AHR: variants seen among roughly 807,000 people sequenced by gnomAD.
AHR encodes the protein aryl hydrocarbon receptor, also known as AH-receptor.
AHR carries 40 observed loss-of-function variants against 86.8 expected under a neutral mutation model. The ratio of observed to expected loss-of-function variants is 0.46; its 90% CI spans 0.36 to 0.60. The LOEUF (loss-of-function observed/expected upper bound fraction) is 0.60. Ranked by LOEUF, AHR falls within the 20% of genes least tolerant of loss-of-function variation. AHR has a pLI of 0.00. For missense variants in AHR, 1,001 were observed against 1,011.6 expected (o/e 0.99, Z 0.14); for synonymous variants, 398 against 354.9 (o/e 1.12, Z -1.37).
chr7:17,308,474 TATTA>T (rs1782027785), intron 1 of AHR, among the ~76,000 whole-genome samples: 1 of 152,202 alleles, frequency 6.6e-6, no homozygotes, highest in South Asian at 2.1e-4. Context: ...GTCAGCAAGT[TATTA>T]ATTAACCAGT....
intron 9 of AHR, among the ~76,000 whole-genome samples, chr7:17,338,266 A>G (rs1782377135): frequency 1.7e-5 from 1 of 60,278 alleles, no homozygotes. Flanking sequence ...TCATATTATT[A>G]TGCCAATCTG....
chr7:17,325,643 G>A (rs1205468284), intron 3 of AHR, among the ~76,000 whole-genome samples: 3 of 152,134 alleles, frequency 2.0e-5, no homozygotes, highest in Admixed American at 1.3e-4. Flanking sequence ...GTGGTTAAAG[G>A]GACATGGATG....
chr7:17,337,344 A>G (rs1419907916), intron 9 of AHR, among the ~76,000 whole-genome samples: 6 of 152,040 alleles, frequency 3.9e-5, no homozygotes, highest in South Asian at 2.1e-4. Context: ...TTATTTTTAT[A>G]TATCAGAAGT....
chr7:17,342,268 C>T (rs913970566), intron 10 of AHR, among the ~76,000 whole-genome samples: 1 of 152,044 alleles, frequency 6.6e-6, no homozygotes, highest in African/African-American at 2.4e-5. Flanking sequence ...CTTTTTTCTA[C>T]TAGCAGTTAT....
chr7:17,342,560 A>T (rs1782437279), intron 10 of AHR, among the ~76,000 whole-genome samples: 1 of 152,128 alleles, frequency 6.6e-6, no homozygotes, highest in Non-Finnish European at 1.5e-5. Context: ...AACCTGGTCA[A>T]AGCAAACCTA....
chr7:17,302,673 T>G (rs564446345), intron 1 of AHR, among the ~76,000 whole-genome samples: 8 of 151,918 alleles, frequency 5.3e-5, no homozygotes, highest in African/African-American at 1.9e-4. Context: ...AGGTATAAAT[T>G]GAAAGCACTG....
Position 17,299,237 on chromosome 7 carries a change from G to A in AHR, c.-28G>A, listed in dbSNP as rs749139930. On this transcript the variant is annotated 5_prime_UTR_variant, in exon 1 of 11. Transcript: ENST00000242057. ...GGGGACCCGGCCGCCAGTGCCCGGG[G>A]AGTAGCCGCCGCCGTCGGCTGGGCA... The A allele has an allele frequency of 4.4e-6, 7 of 1,607,634 alleles. No homozygotes were observed. Among genetic ancestry groups the A allele is most frequent in the Non-Finnish European group, 5.9e-6 (7 of 1,178,368 alleles).
At chr7:17,329,877 ATAGGCT>A (rs1782267493) in intron 4 of AHR, 69 bp from the exon 5 acceptor site, 36 of 1,380,154 alleles carry the variant, frequency 2.6e-5, no homozygotes, top group Non-Finnish European at 3.5e-5. Flanking sequence ...ACTAATCTAA[ATAGGCT>A]TTAAAATTAA....
At chr7:17,338,255 T>A (rs950316505) in intron 9 of AHR, among the ~76,000 whole-genome samples, 2 of 102,044 alleles carry the variant, frequency 2.0e-5, no homozygotes, top group Admixed American at 1.9e-4. Flanking sequence ...TTAAGTAATT[T>A]TCATATTATT....
At chr7:17,335,120 A>G in intron 8 of AHR, 124 bp downstream of exon 8, 2 of 590,112 alleles carry the variant, frequency 3.4e-6, no homozygotes, top group Non-Finnish European at 2.9e-6. Flanking sequence ...ACTTAGTAAC[A>G]TATCATTATG....
intron 1 of AHR, among the ~76,000 whole-genome samples, chr7:17,305,958 T>C (rs1029729670): frequency 1.3e-5 from 2 of 152,126 alleles, no homozygotes; most frequent in Admixed American, 6.6e-5. Context: ...AACAGAAGCA[T>C]GGCATGCAGT....
chr7:17,318,237 A>G (rs1014734687), intron 2 of AHR, among the ~76,000 whole-genome samples: 2 of 152,054 alleles, frequency 1.3e-5, no homozygotes, highest in Non-Finnish European at 2.9e-5. Context: ...TCCTTGACCA[A>G]TTCAAAGCAT....
At chr7:17,337,388 T>C (rs188979777) in intron 9 of AHR, among the ~76,000 whole-genome samples, 47 of 152,186 alleles carry the variant, frequency 3.1e-4, no homozygotes, top group African/African-American at 1.1e-3. Context: ...TTTGTATACA[T>C]TTGTTGATAT....
At chr7:17,316,421 C>T (rs1782115711) in intron 2 of AHR, among the ~76,000 whole-genome samples, 1 of 152,050 alleles carries the variant, frequency 6.6e-6, no homozygotes, top group Non-Finnish European at 1.5e-5. Flanking sequence ...GAGTTCGAGA[C>T]CAGCCAGGAC....
chr7:17,317,364 A>T (rs1310836589), intron 2 of AHR, among the ~76,000 whole-genome samples: 1 of 152,078 alleles, frequency 6.6e-6, no homozygotes, highest in Non-Finnish European at 1.5e-5. Context: ...TTTGGTGAGG[A>T]TAGAAATTTT....
Position 17,335,652 on chromosome 7 carries a change from G to A in AHR, c.1026G>A (p.Lys342=). 6.4e-7 allele frequency: 1 copy of A among 1,563,766 alleles called. No homozygotes were observed. Among genetic ancestry groups the A allele is most frequent in the Non-Finnish European group, 8.7e-7 (1 of 1,152,676 alleles). ...TTTTTAATTTTATTTTAGTGATTAA[G>A]ACTGGAGAAAGTGGCATGATAGTTT... The part of the protein sequence containing the change: ...YCAESHIRMI[K]TGESGMIVFR... The change falls in exon 9 of 11, where the codon AAG becomes AAA. Residue 342 remains lysine, a synonymous_variant. Transcript: ENST00000242057.
chr7:17,324,709 C>T (rs569136542), intron 3 of AHR, among the ~76,000 whole-genome samples: 23 of 151,018 alleles, frequency 1.5e-4, no homozygotes, highest in Non-Finnish European at 1.9e-4. Flanking sequence ...GGCTGAGGCC[C>T]GAGAATCGCT....
intron 10 of AHR, among the ~76,000 whole-genome samples, chr7:17,340,973 C>G (rs1160198499): frequency 6.6e-6 from 1 of 151,124 alleles, no homozygotes; most frequent in Non-Finnish European, 1.5e-5. Context: ...TAAAAATGAT[C>G]ACTTAAAAAA....
intron 1 of AHR, among the ~76,000 whole-genome samples, chr7:17,303,559 C>A (rs897809554): frequency 6.6e-5 from 10 of 152,030 alleles, no homozygotes; most frequent in African/African-American, 2.4e-4. Flanking sequence ...TATTGATTTG[C>A]TACCCACCTC....
Sources: gnomAD v4.1 joint callset for allele counts (sites outside exome capture counted in the v4.1 genomes callset) on GRCh38, gnomAD v4.1.1 for gene constraint, MANE v1.5 for transcripts, NCBI Gene and HGNC (gene_info 2026-07-23, HGNC 2026-07-21) for gene names.